RFTN1: variants seen among roughly 807,000 people sequenced by gnomAD.
RFTN1 encodes raftlin.
RFTN1 carries 26 observed loss-of-function variants against 46.5 expected under a neutral mutation model. That is an observed-to-expected ratio of 0.56 (90% CI 0.41 to 0.78). The LOEUF (loss-of-function observed/expected upper bound fraction) is 0.78, where lower values mean the gene tolerates loss of function less well. Among genes scored for constraint, RFTN1 ranks in the 30% least tolerant of loss-of-function variants. The pLI is 0.00. For synonymous variants in RFTN1, 261 were observed against 284.2 expected, an observed-to-expected ratio of 0.92 and a Z score of 0.82; for missense variants, 693 against 718.7, an observed-to-expected ratio of 0.96 and a Z score of 0.41.
chr3:16,343,156 A>G (rs116123108), intron 7 of RFTN1, among the ~76,000 whole-genome samples: 2,958 of 152,268 alleles, frequency 0.019, 56 homozygotes, highest in East Asian at 0.069. Context: ...TGAATTTTTA[A>G]TAAGTCCTCA....
chr3:16,506,483 T>A lies in RFTN1; in HGVS notation c.-9+6959A>T, dbSNP rs557650784. Among the ~76,000 whole-genome samples the A allele has an allele frequency of 2.8e-4, 42 of 151,912 alleles. No individual in the cohort carries two copies. The highest frequency in any genetic ancestry group is 1.0e-3 in the African/African-American group (42 of 41,406). On this transcript the variant is annotated intron_variant, in intron 1 of 9. Coordinates refer to ENST00000334133, the MANE Select transcript of RFTN1 (RefSeq NM_015150.2). This position sits in a 1 kb window ranked among gnomAD's most constrained non-coding sequence, Gnocchi z 4.8. ...GAACCCAGATGACAGTAAGTAGAGGTGTGAGCAGTGGTCAAATTCTGTATA... is the reference window on the plus strand; with the variant it reads ...GAACCCAGATGACAGTAAGTAGAGGAGTGAGCAGTGGTCAAATTCTGTATA...
At chr3:16,476,248 G>A (rs978156139) in intron 2 of RFTN1, among the ~76,000 whole-genome samples, 1 of 152,202 alleles carries the variant, frequency 6.6e-6, no homozygotes, top group Admixed American at 6.5e-5. Context: ...CAGAAAGCTG[G>A]TGTGCATGTG....
At chr3:16,463,844 T>C (rs2076046024) in intron 2 of RFTN1, among the ~76,000 whole-genome samples, 1 of 151,994 alleles carries the variant, frequency 6.6e-6, no homozygotes, top group South Asian at 2.1e-4. Context: ...GAAAATAGAG[T>C]TGGGGATGGG....
At chr3:16,358,648 T>C (rs1470776291) in intron 6 of RFTN1, among the ~76,000 whole-genome samples, 2 of 152,126 alleles carry the variant, frequency 1.3e-5, no homozygotes, top group African/African-American at 4.8e-5. Flanking sequence ...CTCTAGTCAA[T>C]GTACCAGGTT....
rs2125516136 is a variant in RFTN1 at position 16,443,259 on chromosome 3, A to G, written c.146-9222T>C. The stretch of plus-strand genomic sequence containing the variant: ...TCTTATCTCTTGTATTTTTGATAGT[A>G]GCCATTCTAACAGGTGTGAGCTGAT... On this transcript the variant is annotated intron_variant, in intron 2 of 9. Transcript: ENST00000334133. The surrounding 1 kb of genome is among the most constrained non-coding windows in gnomAD (Gnocchi z 5.5). Among the ~76,000 whole-genome samples, 1 of 152,334 alleles carries G rather than the reference A, an allele frequency of 6.6e-6. No homozygotes were observed. Among genetic ancestry groups the G allele is most frequent in the African/African-American group, 2.4e-5 (1 of 41,578 alleles).
chr3:16,494,907 T>C (rs147833910), intron 1 of RFTN1, among the ~76,000 whole-genome samples: 1 of 152,264 alleles, frequency 6.6e-6, no homozygotes, highest in Non-Finnish European at 1.5e-5. Context: ...ACCGCTTCCT[T>C]TTAGAGATAA....
intron 1 of RFTN1, among the ~76,000 whole-genome samples, chr3:16,505,291 G>A (rs1425911489): frequency 1.3e-5 from 2 of 152,146 alleles, no homozygotes; most frequent in Non-Finnish European, 2.9e-5. Flanking sequence ...AGTGAAGTCA[G>A]GCTAAGCTAC....
Position 16,429,130 on chromosome 3 carries a change from C to T in RFTN1, c.332+4721G>A, listed in dbSNP as rs915534681. On this transcript the variant is annotated intron_variant, in intron 3 of 9. Coordinates refer to ENST00000334133, the MANE Select transcript of RFTN1 (RefSeq NM_015150.2). This position sits in a 1 kb window ranked among gnomAD's most constrained non-coding sequence, Gnocchi z 6.4. ...AATTCAATACACTTAGAATTAAGAA[C>T]AGTTTACAGTTAGATGTGTGGCTAG... 2.0e-5 allele frequency among the ~76,000 whole-genome samples: 3 copies of T among 151,014 alleles called. No individual in the cohort carries two copies. In the Admixed American group the frequency reaches 2.0e-4, roughly 10 times the overall value.
intron 2 of RFTN1, among the ~76,000 whole-genome samples, chr3:16,478,563 T>C (rs1049720640): frequency 2.4e-4 from 36 of 152,162 alleles, no homozygotes; most frequent in African/African-American, 8.0e-4. Flanking sequence ...AAAACAACAT[T>C]TATTTTCTCA....
rs1448608565 is a variant in RFTN1 at position 16,506,621 on chromosome 3, G to T, written c.-9+6821C>A. ...TCACCAGCACCTGCAAGGCTGGAGTGGCCATCTTCTGAGATGGGTAGAAGA... is the reference window on the plus strand; with the variant it reads ...TCACCAGCACCTGCAAGGCTGGAGTTGCCATCTTCTGAGATGGGTAGAAGA... On this transcript the variant is annotated intron_variant, in intron 1 of 9. Transcript: ENST00000334133. This position sits in a 1 kb window ranked among gnomAD's most constrained non-coding sequence, Gnocchi z 4.8. Among the ~76,000 whole-genome samples the T allele has an allele frequency of 2.0e-5, 3 of 152,024 alleles. No individual in the cohort carries two copies. Among genetic ancestry groups the T allele is most frequent in the African/African-American group, 7.2e-5 (3 of 41,394 alleles).
Position 16,424,199 on chromosome 3 carries a change from T to C in RFTN1, c.332+9652A>G, listed in dbSNP as rs1320022464. Among the ~76,000 whole-genome samples the C allele has an allele frequency of 1.3e-5, 2 of 152,214 alleles. No individual in the cohort carries two copies. Among genetic ancestry groups the C allele is most frequent in the Admixed American group, 6.5e-5 (1 of 15,282 alleles). On this transcript the variant is annotated intron_variant, in intron 3 of 9. Transcript: ENST00000334133. This position sits in a 1 kb window ranked among gnomAD's most constrained non-coding sequence, Gnocchi z 4.7. The stretch of plus-strand genomic sequence containing the variant: ...GCTCTGGGGCCTCTGAGTTGAAAGA[T>C]GATGTATTTCTGTGCCATGAGTCTC...
chr3:16,497,740 C>T, intron 1 of RFTN1, among the ~76,000 whole-genome samples: 1 of 152,208 alleles, frequency 6.6e-6, no homozygotes, highest in East Asian at 1.9e-4. Context: ...ATCAGAATTA[C>T]CTTTCCTAAG....
chr3:16,369,660 C>A (rs1442535401), intron 6 of RFTN1, among the ~76,000 whole-genome samples: 2 of 152,226 alleles, frequency 1.3e-5, no homozygotes, highest in African/African-American at 4.8e-5. Flanking sequence ...CAATTTATTT[C>A]TCTGCTGTTA....
intron 3 of RFTN1, chr3:16,416,303 G>C (rs1422736250): frequency 9.6e-6 from 4 of 416,232 alleles, no homozygotes; most frequent in East Asian, 7.6e-5. Flanking sequence ...GAGTGGTTCT[G>C]ATTGCTGGAG....
chr3:16,510,461 T>A (rs952462017), intron 1 of RFTN1, among the ~76,000 whole-genome samples: 1 of 152,218 alleles, frequency 6.6e-6, no homozygotes, highest in African/African-American at 2.4e-5. Flanking sequence ...AAATAAAATA[T>A]TCATCTGATC....
intron 2 of RFTN1, among the ~76,000 whole-genome samples, chr3:16,454,184 A>T (rs2075865784): frequency 6.6e-6 from 1 of 152,210 alleles, no homozygotes; most frequent in Non-Finnish European, 1.5e-5. Flanking sequence ...TTTCTATCAC[A>T]ATGATGATTT....
Position 16,356,414 on chromosome 3 carries a change from C to T in RFTN1, c.1146+1518G>A, listed in dbSNP as rs75696774. On this transcript the variant is annotated intron_variant, in intron 7 of 9. Coordinates refer to ENST00000334133, the MANE Select transcript of RFTN1 (RefSeq NM_015150.2). This position sits in a 1 kb window ranked among gnomAD's most constrained non-coding sequence, Gnocchi z 4.9. ...GTGACTTTCCAACTCCTGCTTCTGA[C>T]GACTCCAGTTCCTTTGGGTACTCCA... Among the ~76,000 whole-genome samples, 7,503 of 152,276 alleles carry T rather than the reference C, an allele frequency of 0.049. 247 individuals are homozygous for T. Among genetic ancestry groups the T allele is most frequent in the Non-Finnish European group, 0.076 (5,165 of 67,996 alleles).
rs145239202 is a variant in RFTN1 at position 16,330,315 on chromosome 3, C to T, written c.1147-3439G>A. ...TTAATTAATGTTAAATGTGATTTTC[C>T]GTAAGCATCTATCACAGCCCGTTTG... On this transcript the variant is annotated intron_variant, in intron 7 of 9. Transcript: ENST00000334133. Among the ~76,000 whole-genome samples, 293 of 152,254 alleles carry T rather than the reference C, an allele frequency of 1.9e-3. 6 individuals are homozygous for T. The highest frequency in any genetic ancestry group is 0.017 in the Admixed American group (255 of 15,302).
chr3:16,352,568 T>C lies in RFTN1; in HGVS notation c.1146+5364A>G, dbSNP rs1388407036. 1.3e-5 allele frequency among the ~76,000 whole-genome samples: 2 copies of C among 152,198 alleles called. No homozygotes were observed. Among genetic ancestry groups the C allele is most frequent in the Admixed American group, 1.3e-4 (2 of 15,286 alleles). Reference sequence around the variant, plus strand: ...TTTCCAACCGAGCAAAATGCAATTATTTGTATTTGACTCTACAGGTTCCCT... The same window carrying C: ...TTTCCAACCGAGCAAAATGCAATTACTTGTATTTGACTCTACAGGTTCCCT... On this transcript the variant is annotated intron_variant, in intron 7 of 9. Transcript: ENST00000334133. The surrounding 1 kb of genome is among the most constrained non-coding windows in gnomAD (Gnocchi z 4.6).
Sources: allele counts gnomAD v4.1 joint callset (sites outside exome capture counted in the v4.1 genomes callset), GRCh38; gene constraint gnomAD v4.1.1; non-coding constraint Gnocchi (gnomAD v3.1); transcripts MANE v1.5; gene names NCBI Gene and HGNC (gene_info 2026-07-23, HGNC 2026-07-21).